Variants in PTPRD observed in about 807,000 individuals in gnomAD.
The protein encoded by PTPRD is protein tyrosine phosphatase receptor type D, also known as receptor-type tyrosine-protein phosphatase delta.
In PTPRD, 34 loss-of-function variants were observed where a neutral mutation model predicts 214.5. The ratio of observed to expected loss-of-function variants is 0.16; its 90% CI spans 0.12 to 0.21. PTPRD has a LOEUF of 0.21. Ranked by LOEUF, PTPRD falls within the 10% of genes least tolerant of loss-of-function variation. PTPRD has a pLI of 1.00. For missense variants in PTPRD, 2,545 were observed against 2,398.7 expected, an observed-to-expected ratio of 1.06 and a Z score of -1.27; for synonymous variants, 1,128 against 845.7, an observed-to-expected ratio of 1.33 and a Z score of -5.79.
At chr9:9,697,051 AAGG>A (rs1382501488) in intron 7 of PTPRD, among the ~76,000 whole-genome samples, 7 of 152,130 alleles carry the variant, frequency 4.6e-5, no homozygotes, top group Non-Finnish European at 1.0e-4. Flanking sequence ...ATTAGAAACA[AAGG>A]AATAGTTAAA....
At chr9:9,460,896 A>G (rs532655720) in intron 8 of PTPRD, among the ~76,000 whole-genome samples, 1 of 152,216 alleles carries the variant, frequency 6.6e-6, no homozygotes, top group East Asian at 1.9e-4. Flanking sequence ...TGCACTATTC[A>G]CAATAGCAAA....
chr9:9,950,587 G>A (rs976876493), intron 4 of PTPRD, among the ~76,000 whole-genome samples: 2 of 82,080 alleles, frequency 2.4e-5, no homozygotes, highest in Non-Finnish European at 3.9e-5. Flanking sequence ...AGCCGGGCGA[G>A]GTGGTGGACG....
intron 30 of PTPRD, among the ~76,000 whole-genome samples, chr9:8,476,310 T>A (rs528391672): frequency 6.6e-6 from 1 of 152,328 alleles, no homozygotes; most frequent in Admixed American, 6.5e-5. Context: ...TGAGAGATTC[T>A]AATGCCACCA....
intron 14 of PTPRD, among the ~76,000 whole-genome samples, chr9:8,615,963 C>A (rs986001873): frequency 6.6e-6 from 1 of 152,058 alleles, no homozygotes; most frequent in Non-Finnish European, 1.5e-5. Context: ...GGAAAATAAT[C>A]TTGATAATTT....
chr9:9,304,692 T>C (rs1956553091), intron 9 of PTPRD, among the ~76,000 whole-genome samples: 1 of 150,864 alleles, frequency 6.6e-6, no homozygotes, highest in Non-Finnish European at 1.5e-5. Context: ...AAATATATAA[T>C]ATATATAATA....
chr9:9,710,975 C>CGTGTGT (rs35078738), intron 7 of PTPRD, among the ~76,000 whole-genome samples: 70 of 149,490 alleles, frequency 4.7e-4, no homozygotes, highest in African/African-American at 1.6e-3. Flanking sequence ...CGAGAGAGAG[C>CGTGTGT]GTGTGTGTGT....
At chr9:8,366,418 G>C (rs959586680) in intron 39 of PTPRD, among the ~76,000 whole-genome samples, 3 of 152,210 alleles carry the variant, frequency 2.0e-5, no homozygotes, top group Non-Finnish European at 4.4e-5. Flanking sequence ...GAGGTATTGA[G>C]GGAGGTGAGA....
chr9:9,405,089 T>C (rs1040137409), intron 8 of PTPRD, among the ~76,000 whole-genome samples: 1 of 152,032 alleles, frequency 6.6e-6, no homozygotes, highest in African/African-American at 2.4e-5. Context: ...CACTAAGCAT[T>C]TCTTATAGGA....
intron 39 of PTPRD, among the ~76,000 whole-genome samples, chr9:8,367,020 GGATTT>G (rs1018467490): frequency 1.1e-4 from 16 of 152,070 alleles, no homozygotes; most frequent in African/African-American, 3.9e-4. Context: ...CCTTGAAAGT[GGATTT>G]ATTTATTTAT....
intron 3 of PTPRD, among the ~76,000 whole-genome samples, chr9:10,278,438 T>C (rs1050891768): frequency 6.6e-6 from 1 of 152,128 alleles, no homozygotes; most frequent in Admixed American, 6.5e-5. Flanking sequence ...AGGCTCAGAT[T>C]TGCTGCATTG....
rs142014947 is a variant in PTPRD at position 8,780,116 on chromosome 9, T to C, written c.-103-46170A>G. Among the ~76,000 whole-genome samples, 627 of 151,714 alleles carry C rather than the reference T, an allele frequency of 4.1e-3. 3 individuals are homozygous for C. Among genetic ancestry groups the C allele is most frequent in the African/African-American group, 0.014 (576 of 41,412 alleles). On this transcript the variant is annotated intron_variant, in intron 11 of 45. Coordinates refer to ENST00000381196, the MANE Select transcript of PTPRD (RefSeq NM_002839.4). ...CTCCCTTCTGGGGAAAAACTAAGAA[T>C]AGCATTTTCCAAACAAAAGGAAATA...
intron 9 of PTPRD, among the ~76,000 whole-genome samples, chr9:9,209,229 G>T (rs1221502614): frequency 6.6e-6 from 1 of 152,158 alleles, no homozygotes; most frequent in Non-Finnish European, 1.5e-5. Context: ...GGAGAAGATA[G>T]AAATATATAT....
intron 10 of PTPRD, among the ~76,000 whole-genome samples, chr9:9,155,390 C>T (rs1220622971): frequency 6.6e-6 from 1 of 152,020 alleles, no homozygotes; most frequent in East Asian, 1.9e-4. Flanking sequence ...GAAATGCTTA[C>T]ACTTGAGGGA....
At chr9:8,474,393 C>T (rs1463150917) in intron 30 of PTPRD, among the ~76,000 whole-genome samples, 2 of 152,062 alleles carry the variant, frequency 1.3e-5, no homozygotes, top group African/African-American at 2.4e-5. Flanking sequence ...GCCCACGTAC[C>T]ACTGAAGCTC....
At chr9:8,934,478 A>ATTTATAAAT (rs2098979878) in intron 11 of PTPRD, among the ~76,000 whole-genome samples, 1 of 8,472 alleles carries the variant, frequency 1.2e-4, no homozygotes, top group Non-Finnish European at 2.2e-4. Flanking sequence ...TATATATATA[A>ATTTATAAAT]ATATATATAT....
At chr9:9,155,613 A>G (rs925650223) in intron 10 of PTPRD, among the ~76,000 whole-genome samples, 3 of 152,134 alleles carry the variant, frequency 2.0e-5, no homozygotes, top group African/African-American at 7.2e-5. Flanking sequence ...AAGTGAAGAC[A>G]TTACTCATTG....
At chr9:10,191,392 C>T (rs1451768531) in intron 3 of PTPRD, among the ~76,000 whole-genome samples, 1 of 151,936 alleles carries the variant, frequency 6.6e-6, no homozygotes, top group East Asian at 1.9e-4. Context: ...ACAGCTACTA[C>T]TAATAATATA....
At chr9:8,511,886 C>G (rs1454529935) in intron 21 of PTPRD, among the ~76,000 whole-genome samples, 2 of 151,928 alleles carry the variant, frequency 1.3e-5, no homozygotes, top group Admixed American at 6.6e-5. Flanking sequence ...TAATTACACT[C>G]TATATAAATA....
At chr9:8,844,425 T>A (rs1238883341) in intron 11 of PTPRD, among the ~76,000 whole-genome samples, 1 of 152,188 alleles carries the variant, frequency 6.6e-6, no homozygotes, top group African/African-American at 2.4e-5. Flanking sequence ...TTACTAAGCA[T>A]ATTTTTTATT....
Sources: gnomAD v4.1 joint callset for allele counts (sites outside exome capture counted in the v4.1 genomes callset) on GRCh38, gnomAD v4.1.1 for gene constraint, MANE v1.5 for transcripts, NCBI Gene and HGNC (gene_info 2026-07-23, HGNC 2026-07-21) for gene names.